The following CTNNA3 variants were observed in gnomAD, a reference collection of about 807,000 sequenced individuals.
CTNNA3 encodes catenin alpha-3.
Under a neutral mutation model 95.7 loss-of-function variants are expected in CTNNA3, and 76 were observed. The observed-to-expected ratio is 0.79, with a 90% CI of 0.66 to 0.96. The LOEUF is 0.96. Ranked by LOEUF, CTNNA3 falls within the 40% of genes least tolerant of loss-of-function variation. CTNNA3 has a pLI of 0.00. For missense variants in CTNNA3, 1,191 were observed against 1,089.8 expected (o/e 1.09, Z -1.31); for synonymous variants, 431 against 374.4 (o/e 1.15, Z -1.74).
At chr10:66,937,984 C>G (rs1847802235) in intron 7 of CTNNA3, among the ~76,000 whole-genome samples, 2 of 151,964 alleles carry the variant, frequency 1.3e-5, no homozygotes, top group Non-Finnish European at 2.9e-5. Flanking sequence ...AATGGATAAT[C>G]TCTTCTTTTC....
chr10:67,132,044 A>G (rs1465852042), intron 7 of CTNNA3, among the ~76,000 whole-genome samples: 3 of 152,168 alleles, frequency 2.0e-5, no homozygotes, highest in Non-Finnish European at 2.9e-5. Flanking sequence ...AGTATTCTGC[A>G]TAAGATGTGA....
chr10:67,442,455 T>C (rs1846557110), intron 5 of CTNNA3, among the ~76,000 whole-genome samples: 1 of 152,026 alleles, frequency 6.6e-6, no homozygotes, highest in South Asian at 2.1e-4. Context: ...AATGATCTGT[T>C]GCCTACAAGA....
intron 10 of CTNNA3, among the ~76,000 whole-genome samples, chr10:66,539,042 T>C (rs10997225): frequency 0.11 from 16,743 of 152,208 alleles, 1,669 homozygotes; most frequent in East Asian, 0.56. Context: ...ATTGCTGTTA[T>C]TGTCATAATT....
intron 5 of CTNNA3, among the ~76,000 whole-genome samples, chr10:67,285,912 C>T (rs1419935602): frequency 6.6e-6 from 1 of 152,028 alleles, no homozygotes; most frequent in African/African-American, 2.4e-5. Flanking sequence ...ACTAACAAAG[C>T]TTGTTAAGAA....
At chr10:66,036,374 GT>G (rs544080623) in intron 15 of CTNNA3, among the ~76,000 whole-genome samples, 85 of 151,904 alleles carry the variant, frequency 5.6e-4, no homozygotes, top group Non-Finnish European at 1.1e-3. Context: ...TTTTGTTTTT[GT>G]TTTTGTTTTC....
At chr10:67,194,574 G>A (rs1235294523) in intron 6 of CTNNA3, among the ~76,000 whole-genome samples, 1 of 150,976 alleles carries the variant, frequency 6.6e-6, no homozygotes, top group African/African-American at 2.4e-5. Flanking sequence ...GAGGGATGGA[G>A]GAACAGGCAG....
chr10:67,187,709 C>T (rs555551420), intron 6 of CTNNA3, among the ~76,000 whole-genome samples: 2 of 152,192 alleles, frequency 1.3e-5, no homozygotes, highest in South Asian at 4.1e-4. Flanking sequence ...ACTCAGCCTC[C>T]GCAGTAACTG....
At chr10:66,597,951 C>G (rs188890286) in intron 10 of CTNNA3, among the ~76,000 whole-genome samples, 1 of 152,052 alleles carries the variant, frequency 6.6e-6, no homozygotes, top group Admixed American at 6.6e-5. Context: ...CACTATTACA[C>G]CGCTATTAGA....
At chr10:66,967,491 G>A (rs557979159) in intron 7 of CTNNA3, among the ~76,000 whole-genome samples, 2 of 151,796 alleles carry the variant, frequency 1.3e-5, no homozygotes, top group South Asian at 4.2e-4. Flanking sequence ...TAACTGCATT[G>A]GAAAATGACA....
Position 66,005,217 on chromosome 10 carries a change from A to G in CTNNA3, c.2160-16420T>C, listed in dbSNP as rs555896062. Among the ~76,000 whole-genome samples, 136 of 152,296 alleles carry G rather than the reference A, an allele frequency of 8.9e-4. 1 individual carries two copies. Among genetic ancestry groups the G allele is most frequent in the African/African-American group, 3.2e-3 (132 of 41,566 alleles). ...ATTGGACCAACACAGATGATTTACAATAATCTCTCCTCACAGGTTTTGGGA... is the reference window on the plus strand; with the variant it reads ...ATTGGACCAACACAGATGATTTACAGTAATCTCTCCTCACAGGTTTTGGGA... On this transcript the variant is annotated intron_variant, in intron 15 of 17. Coordinates refer to ENST00000433211, the MANE Select transcript of CTNNA3 (RefSeq NM_013266.4).
At chr10:67,710,154 A>G (rs1841099485) in intron 1 of CTNNA3, among the ~76,000 whole-genome samples, 1 of 152,174 alleles carries the variant, frequency 6.6e-6, no homozygotes, top group Non-Finnish European at 1.5e-5. Flanking sequence ...AGGAAGTAGG[A>G]AGGGAGAGCG....
chr10:66,295,413 A>G (rs746955418), intron 12 of CTNNA3, among the ~76,000 whole-genome samples: 4 of 152,198 alleles, frequency 2.6e-5, no homozygotes, highest in Admixed American at 1.3e-4. Context: ...GATCCTATCT[A>G]CATTCAGAAT....
chr10:67,434,871 C>T (rs1323648918), intron 5 of CTNNA3, among the ~76,000 whole-genome samples: 1 of 151,974 alleles, frequency 6.6e-6, no homozygotes, highest in Non-Finnish European at 1.5e-5. Context: ...GAAAGTATTA[C>T]TGTTTCATAT....
At chr10:67,620,919 G>GTATATATA (rs1488628629) in intron 2 of CTNNA3, among the ~76,000 whole-genome samples, 7 of 100,132 alleles carry the variant, frequency 7.0e-5, no homozygotes, top group African/African-American at 3.2e-4. Flanking sequence ...GTGTGTGTGT[G>GTATATATA]TGTGTATATA....
chr10:66,477,577 G>T (rs79605297), intron 11 of CTNNA3, among the ~76,000 whole-genome samples: 4 of 151,922 alleles, frequency 2.6e-5, no homozygotes, highest in East Asian at 1.9e-4. Flanking sequence ...AACACATATC[G>T]TATTGTAATA....
intron 11 of CTNNA3, among the ~76,000 whole-genome samples, chr10:66,472,379 TG>T (rs1440289535): frequency 1.1e-4 from 17 of 151,870 alleles, no homozygotes; most frequent in Admixed American, 1.1e-3. Context: ...ATCAGCCATA[TG>T]GTGAAGGGGG....
At chr10:66,833,616 T>C (rs1292225147) in intron 7 of CTNNA3, among the ~76,000 whole-genome samples, 2 of 152,170 alleles carry the variant, frequency 1.3e-5, no homozygotes, top group Non-Finnish European at 2.9e-5. Flanking sequence ...CTAATACGTA[T>C]TGAAGTAGTG....
At chr10:66,633,520 A>C (rs192602812) in intron 9 of CTNNA3, among the ~76,000 whole-genome samples, 12 of 152,142 alleles carry the variant, frequency 7.9e-5, no homozygotes, top group East Asian at 5.8e-4. Context: ...CTCTACTAAA[A>C]ATACAAAAAA....
chr10:67,404,151 T>C (rs1055051382), intron 5 of CTNNA3, among the ~76,000 whole-genome samples: 2 of 151,670 alleles, frequency 1.3e-5, no homozygotes, highest in African/African-American at 4.8e-5. Context: ...CCCTTTCCTC[T>C]AAATGACCAC....
Sources: gnomAD v4.1 joint callset for allele counts (sites outside exome capture counted in the v4.1 genomes callset) on GRCh38, gnomAD v4.1.1 for gene constraint, MANE v1.5 for transcripts, NCBI Gene and HGNC (gene_info 2026-07-23, HGNC 2026-07-21) for gene names.